The following CCDC171 variants were observed in gnomAD, a reference collection of about 807,000 sequenced individuals.
CCDC171 encodes coiled-coil domain-containing protein 171.
In CCDC171, 177 loss-of-function variants were observed where a neutral mutation model predicts 168.2. That is an observed-to-expected ratio of 1.05 (90% confidence interval 0.93 to 1.19). The LOEUF is 1.19. Among genes scored for constraint, CCDC171 ranks in the 50% most tolerant of loss-of-function variants. The pLI is 0.00. For missense variants in CCDC171, 1,991 were observed against 1,539.0 expected (o/e 1.29, Z -4.91); for synonymous variants, 687 against 540.8 (o/e 1.27, Z -3.75).
chr9:16,020,924 T>A (rs1006921610), intron 4 of CCDC171: 7 of 152,240 alleles, frequency 4.6e-5, no homozygotes, highest in Non-Finnish European at 8.8e-5. Flanking sequence ...CTACTGGAAA[T>A]AATTACTGAA....
At chr9:15,919,176 G>C (rs1028386652) in intron 24 of CCDC171, among the ~76,000 whole-genome samples, 4 of 151,576 alleles carry the variant, frequency 2.6e-5, no homozygotes, top group Non-Finnish European at 4.4e-5. Flanking sequence ...AAAAAGATCT[G>C]AGCTGGTTTT....
At chr9:15,597,150 C>G (rs555313060) in intron 6 of CCDC171, among the ~76,000 whole-genome samples, 2 of 151,872 alleles carry the variant, frequency 1.3e-5, no homozygotes, top group Non-Finnish European at 2.9e-5. Context: ...CTTCTCCTGC[C>G]CGATTGCCCT....
chr9:15,869,639 A>T (rs770200), intron 23 of CCDC171, among the ~76,000 whole-genome samples: 113,822 of 151,272 alleles, frequency 0.75, 44,507 homozygotes, highest in East Asian at 0.89. Context: ...TACTTGTTTA[A>T]CCAGAATTTC....
chr9:16,065,811 T>TGTGCATG (rs1445743782), downstream of CCDC171, among the ~76,000 whole-genome samples: 1 of 100,170 alleles, frequency 1.0e-5, no homozygotes, highest in African/African-American at 3.5e-5. Flanking sequence ...GTGTGCATGG[T>TGTGCATG]GTGTGTGTGT....
intron 24 of CCDC171, among the ~76,000 whole-genome samples, chr9:15,912,126 A>G (rs898930710): frequency 6.6e-6 from 1 of 152,228 alleles, no homozygotes; most frequent in Non-Finnish European, 1.5e-5. Flanking sequence ...TTGAATGTAT[A>G]AATTACTTTG....
intron 21 of CCDC171, among the ~76,000 whole-genome samples, chr9:15,794,677 T>C (rs768685063): frequency 2.0e-5 from 3 of 152,120 alleles, no homozygotes; most frequent in African/African-American, 7.2e-5. Context: ...TTATAAAAAA[T>C]AAAACCAAAG....
chr9:15,732,554 C>A (rs1419086585), intron 16 of CCDC171, among the ~76,000 whole-genome samples: 2 of 152,076 alleles, frequency 1.3e-5, no homozygotes, highest in African/African-American at 4.8e-5. Flanking sequence ...AGTATATAGC[C>A]TTTTGGGTCT....
At chr9:15,712,878 A>AT (rs1459750947) in intron 11 of CCDC171, among the ~76,000 whole-genome samples, 1 of 152,202 alleles carries the variant, frequency 6.6e-6, no homozygotes, top group Non-Finnish European at 1.5e-5. Context: ...CTTTTGTTCA[A>AT]TTTTGTAAAG....
chr9:15,702,704 G>A (rs1329869384), intron 11 of CCDC171, among the ~76,000 whole-genome samples: 1 of 152,140 alleles, frequency 6.6e-6, no homozygotes, highest in East Asian at 1.9e-4. Flanking sequence ...TACCTGCATC[G>A]GGGATTTTAG....
At chr9:15,796,078 T>G (rs1370081650) in intron 21 of CCDC171, among the ~76,000 whole-genome samples, 1 of 152,208 alleles carries the variant, frequency 6.6e-6, no homozygotes, top group Non-Finnish European at 1.5e-5. Context: ...ATTTACACTT[T>G]AGGTGGTAGA....
intron 3 of CCDC171, among the ~76,000 whole-genome samples, chr9:15,990,223 A>G (rs60406553): frequency 0.075 from 11,400 of 151,688 alleles, 1,408 homozygotes; most frequent in African/African-American, 0.26. Context: ...GACTGACAGC[A>G]GATCTCTTGG....
intron 6 of CCDC171, among the ~76,000 whole-genome samples, chr9:15,605,684 CA>C (rs71325924): frequency 0.39 from 46,679 of 121,062 alleles, 7,950 homozygotes; most frequent in East Asian, 0.75. Context: ...GAGACTCTGT[CA>C]AAAAAAAAAA....
At chr9:15,785,849 A>G (rs1019708950) in intron 21 of CCDC171, among the ~76,000 whole-genome samples, 2 of 151,882 alleles carry the variant, frequency 1.3e-5, no homozygotes, top group African/African-American at 4.8e-5. Context: ...TACTCATTTT[A>G]AACTACCTCT....
intron 23 of CCDC171, among the ~76,000 whole-genome samples, chr9:15,865,117 A>T (rs553410530): frequency 2.6e-5 from 4 of 152,176 alleles, no homozygotes; most frequent in Admixed American, 6.6e-5. Flanking sequence ...AAATCCTTTA[A>T]ATTTATCGGA....
intron 7 of CCDC171, among the ~76,000 whole-genome samples, chr9:15,648,277 C>T (rs2047210827): frequency 6.6e-6 from 1 of 152,122 alleles, no homozygotes. Flanking sequence ...TGTGACAAAC[C>T]CACAGCCAAT....
chr9:15,740,767 A>C (rs144569117), intron 16 of CCDC171, among the ~76,000 whole-genome samples: 1 of 152,066 alleles, frequency 6.6e-6, no homozygotes, highest in Non-Finnish European at 1.5e-5. Context: ...TGGTGTTTCA[A>C]TATGTGGTGG....
At chr9:15,885,677 C>T (rs909716071) in intron 24 of CCDC171, 1 of 152,104 alleles carries the variant, frequency 6.6e-6, no homozygotes, top group Non-Finnish European at 1.5e-5. Context: ...TTGCATAATG[C>T]CTTGAAATGA....
chr9:15,686,655 CTAGAGA>C (rs1374210626), intron 10 of CCDC171, among the ~76,000 whole-genome samples: 1 of 152,000 alleles, frequency 6.6e-6, no homozygotes, highest in Non-Finnish European at 1.5e-5. Context: ...AAAAATGTTA[CTAGAGA>C]TAAAGAGGGA....
At position 15,740,332 on chromosome 9, in the gene CCDC171, T is replaced by C. The variant is rs533386341; in HGVS notation, c.2050-3941T>C. ...CTGCTTTGAATTGCTACCTTTATCA[T>C]TGAAGTTTTTTTGTGCTTAGATCTG... On this transcript the variant is annotated intron_variant, in intron 16 of 25. Coordinates refer to ENST00000380701, the MANE Select transcript of CCDC171 (RefSeq NM_173550.4). Among the ~76,000 whole-genome samples the C allele has an allele frequency of 1.2e-4, 19 of 152,262 alleles. 1 individual carries two copies. Among genetic ancestry groups the C allele is most frequent in the South Asian group, 8.3e-4 (4 of 4,828 alleles).
Sources: gnomAD v4.1 joint callset for allele counts (sites outside exome capture counted in the v4.1 genomes callset) on GRCh38, gnomAD v4.1.1 for gene constraint, MANE v1.5 for transcripts, NCBI Gene and HGNC (gene_info 2026-07-23, HGNC 2026-07-21) for gene names.